LRP1B: variants seen among roughly 807,000 people sequenced by gnomAD.
LRP1B encodes the protein LDL receptor related protein 1B.
LRP1B carries 217 observed loss-of-function variants against 556.6 expected under a neutral mutation model. That is an observed-to-expected ratio of 0.39 (90% confidence interval 0.35 to 0.44). The LOEUF (loss-of-function observed/expected upper bound fraction) is 0.44. Among genes scored for constraint, LRP1B ranks in the 20% least tolerant of loss-of-function variants. The probability of loss-of-function intolerance (pLI) is 1.00; values close to 1 mark genes in which losing one functional copy is unlikely to be tolerated. For missense variants in LRP1B, 5,053 were observed against 5,620.8 expected, an observed-to-expected ratio of 0.90 and a Z score of 3.23; for synonymous variants, 2,047 against 1,865.8, an observed-to-expected ratio of 1.10 and a Z score of -2.50.
At chr2:140,497,790 A>T (rs918670341) in intron 55 of LRP1B, among the ~76,000 whole-genome samples, 2 of 151,896 alleles carry the variant, frequency 1.3e-5, no homozygotes, top group African/African-American at 4.8e-5. Flanking sequence ...TTTATAGAAG[A>T]AGTACTATAT....
At chr2:140,367,684 G>GT (rs1382697031) in intron 71 of LRP1B, among the ~76,000 whole-genome samples, 1 of 151,768 alleles carries the variant, frequency 6.6e-6, no homozygotes, top group African/African-American at 2.4e-5. Context: ...AAAGAGATGA[G>GT]TATCAGTATG....
chr2:142,127,631 T>A (rs1262564841), intron 1 of LRP1B, among the ~76,000 whole-genome samples: 2 of 151,992 alleles, frequency 1.3e-5, no homozygotes, highest in Non-Finnish European at 2.9e-5. Flanking sequence ...AAAACTTTAA[T>A]GTTATTTGTG....
intron 15 of LRP1B, among the ~76,000 whole-genome samples, chr2:141,001,406 G>A (rs929211156): frequency 3.3e-5 from 5 of 152,012 alleles, no homozygotes; most frequent in Middle Eastern, 3.4e-3. Flanking sequence ...GTGCCATGTT[G>A]CTGTGCTGCA....
chr2:141,134,530 T>A (rs1701442648), intron 7 of LRP1B, among the ~76,000 whole-genome samples: 1 of 151,896 alleles, frequency 6.6e-6, no homozygotes, highest in Admixed American at 6.6e-5. Context: ...CAGTTCTTTG[T>A]AGCTCAGATT....
chr2:140,882,933 G>C (rs994220591), intron 25 of LRP1B, among the ~76,000 whole-genome samples: 1 of 152,158 alleles, frequency 6.6e-6, no homozygotes, highest in Admixed American at 6.5e-5. Context: ...CTTTAGGCTT[G>C]ACAATGACCT....
chr2:141,943,936 G>A (rs1700886121), intron 1 of LRP1B, among the ~76,000 whole-genome samples: 1 of 152,214 alleles, frequency 6.6e-6, no homozygotes, highest in South Asian at 2.1e-4. Flanking sequence ...AGCGATAGAG[G>A]GGTTCCTGTT....
rs368541517 is a variant in LRP1B at position 141,157,335 on chromosome 2, A to G, written c.1013+31086T>C. 9.2e-5 allele frequency among the ~76,000 whole-genome samples: 14 copies of G among 152,184 alleles called. No individual in the cohort carries two copies. In the South Asian group the frequency reaches 2.9e-3, roughly 31 times the overall value. ...TACTTCATATATATAAAATATACGT[A>G]TTTTCCAAATTGTGATATTTACATA... On this transcript the variant is annotated intron_variant, in intron 7 of 90. Transcript: ENST00000389484.
intron 31 of LRP1B, among the ~76,000 whole-genome samples, chr2:140,830,517 T>C (rs1010096245): frequency 2.0e-5 from 3 of 152,080 alleles, no homozygotes; most frequent in Admixed American, 2.0e-4. Context: ...ATCATTTCCT[T>C]AGATGAAAAA....
chr2:141,380,986 A>G (rs965637722), intron 3 of LRP1B, among the ~76,000 whole-genome samples: 8 of 152,066 alleles, frequency 5.3e-5, no homozygotes, highest in African/African-American at 1.9e-4. Context: ...TTTTTAAAAT[A>G]TAATGTGTAG....
At chr2:141,308,804 T>C (rs1162302774) in intron 3 of LRP1B, among the ~76,000 whole-genome samples, 1 of 152,126 alleles carries the variant, frequency 6.6e-6, no homozygotes. Flanking sequence ...CCCATATATT[T>C]CCTTCACTTA....
At chr2:140,349,326 G>A (rs538744049) in intron 77 of LRP1B, among the ~76,000 whole-genome samples, 1 of 152,096 alleles carries the variant, frequency 6.6e-6, no homozygotes, top group Non-Finnish European at 1.5e-5. Flanking sequence ...TATGTAAATT[G>A]CAAATAATTT....
chr2:141,041,163 T>C (rs919648102), intron 11 of LRP1B, among the ~76,000 whole-genome samples: 1 of 152,096 alleles, frequency 6.6e-6, no homozygotes, highest in Non-Finnish European at 1.5e-5. Flanking sequence ...CATGTGCACC[T>C]ACTCCTTATG....
intron 2 of LRP1B, among the ~76,000 whole-genome samples, chr2:141,715,868 C>T (rs550909059): frequency 6.6e-6 from 1 of 152,154 alleles, no homozygotes; most frequent in East Asian, 1.9e-4. Flanking sequence ...CAGAAACAAA[C>T]AAAAACCTAG....
intron 3 of LRP1B, among the ~76,000 whole-genome samples, chr2:141,323,599 C>T (rs1264358175): frequency 2.0e-5 from 3 of 151,894 alleles, no homozygotes; most frequent in African/African-American, 7.2e-5. Context: ...TCCTGAAAAC[C>T]TTGTCAAAAT....
At chr2:141,870,615 C>G (rs1249798204) in intron 1 of LRP1B, among the ~76,000 whole-genome samples, 1 of 151,894 alleles carries the variant, frequency 6.6e-6, no homozygotes, top group African/African-American at 2.4e-5. Context: ...CTCTTGCTTG[C>G]ATTTACATTT....
chr2:141,670,116 A>G (rs1331390692), intron 2 of LRP1B, among the ~76,000 whole-genome samples: 4 of 152,166 alleles, frequency 2.6e-5, no homozygotes, highest in Non-Finnish European at 5.9e-5. Flanking sequence ...TTTATTTTCA[A>G]TGAATAAATA....
At chr2:141,632,602 A>G (rs547586158) in intron 2 of LRP1B, among the ~76,000 whole-genome samples, 36 of 152,290 alleles carry the variant, frequency 2.4e-4, no homozygotes, top group African/African-American at 8.7e-4. Flanking sequence ...CACACTTTCT[A>G]ACTACAAATA....
intron 3 of LRP1B, among the ~76,000 whole-genome samples, chr2:141,421,129 A>G (rs981657678): frequency 6.6e-6 from 1 of 152,174 alleles, no homozygotes; most frequent in Admixed American, 6.5e-5. Flanking sequence ...TGTTAAAGTG[A>G]TGTTTTTGTG....
At position 140,865,348 on chromosome 2, in the gene LRP1B, C is replaced by G. The variant is rs563502267; in HGVS notation, c.4579+2242G>C. Among the ~76,000 whole-genome samples, 5 of 151,948 alleles carry G rather than the reference C, an allele frequency of 3.3e-5. No individual in the cohort carries two copies. In the South Asian group the frequency reaches 1.0e-3, roughly 32 times the overall value. Reference sequence around the variant, plus strand: ...AAAGATATATTTCAATTTTATAGTACTGAATGTCATGTATTTTTTAAATTT... The same window carrying G: ...AAAGATATATTTCAATTTTATAGTAGTGAATGTCATGTATTTTTTAAATTT... On this transcript the variant is annotated intron_variant, in intron 27 of 90. Transcript: ENST00000389484.
Sources: allele counts gnomAD v4.1 joint callset (sites outside exome capture counted in the v4.1 genomes callset), GRCh38; gene constraint gnomAD v4.1.1; transcripts MANE v1.5; gene names NCBI Gene and HGNC (gene_info 2026-07-23, HGNC 2026-07-21).